The following NAV3 variants were observed in gnomAD, a reference collection of about 807,000 sequenced individuals.
NAV3 encodes neuron navigator 3.
In NAV3, 87 loss-of-function variants were observed where a neutral mutation model predicts 244.7. The observed-to-expected ratio is 0.36, with a 90% CI of 0.30 to 0.42. The LOEUF is 0.42. NAV3 is among the 20% of genes least tolerant of loss of function. The pLI, the probability that NAV3 is intolerant of heterozygous loss-of-function variation, is 1.00. For synonymous variants in NAV3, 1,126 were observed against 1,042.2 expected (o/e 1.08, Z -1.55); for missense variants, 2,663 against 2,893.3 (o/e 0.92, Z 1.83).
intron 1 of NAV3, among the ~76,000 whole-genome samples, chr12:77,927,291 TAA>T (rs1175798325): frequency 1.1e-4 from 16 of 152,214 alleles, no homozygotes; most frequent in Non-Finnish European, 1.5e-5. Context: ...AGCAGTCAAA[TAA>T]AGGAGACTTT....
chr12:78,058,707 A>T (rs977262325), intron 11 of NAV3, among the ~76,000 whole-genome samples: 3 of 152,182 alleles, frequency 2.0e-5, no homozygotes, highest in Admixed American at 6.5e-5. Context: ...TATTCATAAT[A>T]TTAATAACAA....
At chr12:77,978,919 G>T (rs1377219426) in intron 5 of NAV3, among the ~76,000 whole-genome samples, 2 of 151,782 alleles carry the variant, frequency 1.3e-5, no homozygotes, top group Non-Finnish European at 2.9e-5. Context: ...AATACATTCA[G>T]AGCTTCAGCC....
intron 1 of NAV3, among the ~76,000 whole-genome samples, chr12:77,923,806 G>T (rs1887936019): frequency 6.6e-6 from 1 of 152,092 alleles, no homozygotes; most frequent in Admixed American, 6.6e-5. Context: ...AGCTTCAAAA[G>T]GAAGAGAGGA....
At chr12:77,690,500 A>C (rs1046822395) in intron 2 of NAV3, among the ~76,000 whole-genome samples, 1 of 151,534 alleles carries the variant, frequency 6.6e-6, no homozygotes, top group Non-Finnish European at 1.5e-5. Flanking sequence ...TAAATTTCTA[A>C]CACTTAATAT....
Position 78,119,532 on chromosome 12 carries a change from C to T in NAV3, c.3336C>T (p.Thr1112=), listed in dbSNP as rs1011455246. Reference sequence around the variant, plus strand: ...GGAAGTCAAATGCAGGGAGAAAAACCAGTTTGGACGGTTCACAGAATCAGG... The same window carrying T: ...GGAAGTCAAATGCAGGGAGAAAAACTAGTTTGGACGGTTCACAGAATCAGG... ...IGGKSNAGRK[T]SLDGSQNQDD... Residue 1112 remains threonine (T), a synonymous_variant, in exon 15 of 40, where the codon ACC becomes ACT. Transcript: ENST00000397909. 1.2e-6 allele frequency: 2 copies of T among 1,614,166 alleles called. No homozygotes were observed. Among genetic ancestry groups the T allele is most frequent in the Middle Eastern group, 1.6e-4 (1 of 6,062 alleles).
intron 9 of NAV3, among the ~76,000 whole-genome samples, chr12:78,024,243 A>T (rs920246549): frequency 6.6e-6 from 1 of 152,128 alleles, no homozygotes; most frequent in Admixed American, 6.5e-5. Context: ...AATTGTACTC[A>T]TTTGATGAAA....
intron 22 of NAV3, among the ~76,000 whole-genome samples, chr12:78,150,616 C>T (rs974857232): frequency 2.7e-5 from 4 of 145,970 alleles, no homozygotes; most frequent in Admixed American, 7.2e-5. Flanking sequence ...TTAATACACA[C>T]GTGCAAAAGC....
chr12:78,159,317 A>G (rs1957428643), intron 23 of NAV3, 31 bp downstream of exon 23: 4 of 1,554,804 alleles, frequency 2.6e-6, no homozygotes, highest in Non-Finnish European at 3.5e-6. Flanking sequence ...TGGAGACTGA[A>G]AGAAGACAGC....
intron 2 of NAV3, among the ~76,000 whole-genome samples, chr12:77,654,577 C>G (rs910734870): frequency 6.6e-6 from 1 of 152,138 alleles, no homozygotes; most frequent in East Asian, 1.9e-4. Context: ...TTAAATGTCC[C>G]TGTCTGACAG....
chr12:77,963,975 TTCCTCCTCCC>T (rs1166819542), intron 3 of NAV3, among the ~76,000 whole-genome samples: 72 of 126,038 alleles, frequency 5.7e-4, no homozygotes, highest in African/African-American at 1.6e-3. Context: ...CACCCTCCCC[TTCCTCCTCCC>T]TCCTCCTCCC....
chr12:77,677,295 A>G (rs1485465920), intron 2 of NAV3, among the ~76,000 whole-genome samples: 1 of 152,242 alleles, frequency 6.6e-6, no homozygotes, highest in Non-Finnish European at 1.5e-5. Context: ...CTATTTATCC[A>G]TTACAAAAAC....
intron 23 of NAV3, among the ~76,000 whole-genome samples, chr12:78,166,510 A>G (rs1047543779): frequency 6.6e-6 from 1 of 151,674 alleles, no homozygotes; most frequent in African/African-American, 2.4e-5. Context: ...GGTTGAACTA[A>G]TTTTTTTCAT....
chr12:77,776,446 C>G (rs1164263286), intron 2 of NAV3, among the ~76,000 whole-genome samples: 1 of 152,152 alleles, frequency 6.6e-6, no homozygotes, highest in African/African-American at 2.4e-5. Flanking sequence ...CACATAAAGG[C>G]ATAAGCAAAC....
chr12:78,105,162 A>G (rs1293475924), intron 12 of NAV3, among the ~76,000 whole-genome samples: 2 of 152,148 alleles, frequency 1.3e-5, no homozygotes, highest in Admixed American at 6.5e-5. Context: ...AACATTAATG[A>G]TAATACATAA....
chr12:77,860,496 TG>T (rs1373105403), intron 1 of NAV3, among the ~76,000 whole-genome samples: 2 of 151,716 alleles, frequency 1.3e-5, no homozygotes, highest in African/African-American at 4.8e-5. Flanking sequence ...TCTATTAAAA[TG>T]TTGCTGAGGT....
chr12:77,877,017 A>G (rs183552111), intron 1 of NAV3, among the ~76,000 whole-genome samples: 3 of 152,272 alleles, frequency 2.0e-5, no homozygotes, highest in Non-Finnish European at 2.9e-5. Flanking sequence ...AAAACATTGT[A>G]TATGTTCCTT....
chr12:77,672,594 C>A (rs563866100), intron 2 of NAV3, among the ~76,000 whole-genome samples: 4 of 151,646 alleles, frequency 2.6e-5, no homozygotes, highest in African/African-American at 9.7e-5. Context: ...TTCCATGGTG[C>A]GTACACATAT....
chr12:78,035,103 C>T (rs1430186643), intron 9 of NAV3, among the ~76,000 whole-genome samples: 1 of 152,006 alleles, frequency 6.6e-6, no homozygotes, highest in Non-Finnish European at 1.5e-5. Flanking sequence ...ATTAACTTTA[C>T]AAAGTAAGTG....
intron 9 of NAV3, among the ~76,000 whole-genome samples, chr12:78,044,338 G>A (rs1299085597): frequency 6.6e-6 from 1 of 152,178 alleles, no homozygotes; most frequent in African/African-American, 2.4e-5. Flanking sequence ...CTATGGCCCT[G>A]GAGTATACTT....
Sources: gnomAD v4.1 joint callset for allele counts (sites outside exome capture counted in the v4.1 genomes callset) on GRCh38, gnomAD v4.1.1 for gene constraint, MANE v1.5 for transcripts, NCBI Gene and HGNC (gene_info 2026-07-23, HGNC 2026-07-21) for gene names.